The following HDGFL3 variants were observed in gnomAD, a reference collection of about 807,000 sequenced individuals.
The protein encoded by HDGFL3 is HDGF like 3.
A neutral mutation model predicts 27.6 loss-of-function variants in HDGFL3; 6 were observed. That is an observed-to-expected ratio of 0.22 (90% CI 0.12 to 0.43). HDGFL3 has a LOEUF of 0.43. Ranked by LOEUF, HDGFL3 falls within the 20% of genes least tolerant of loss-of-function variation. The probability of loss-of-function intolerance (pLI) is 1.00; values close to 1 mark genes in which losing one functional copy is unlikely to be tolerated. For synonymous variants in HDGFL3, 88 were observed against 88.9 expected, an observed-to-expected ratio of 0.99 and a Z score of 0.05; for missense variants, 207 against 250.1, an observed-to-expected ratio of 0.83 and a Z score of 1.16.
chr15:83,144,962 T>C (rs2036860163), intron 5 of HDGFL3: 1 of 158,446 alleles, frequency 6.3e-6, no homozygotes. Flanking sequence ...TCTATCCATA[T>C]GAATCGAAGG....
At chr15:83,112,937 T>G in exon 4 of HDGFL3, 2 of 1,470,890 alleles carry the variant, frequency 1.4e-6, no homozygotes, top group Non-Finnish European at 1.9e-6. Flanking sequence ...TGTATCTGAT[T>G]AATAACACAA....
intron 5 of HDGFL3, chr15:83,144,612 G>A (rs963627632): frequency 5.4e-5 from 24 of 444,752 alleles, no homozygotes; most frequent in African/African-American, 4.0e-4. Flanking sequence ...GAGGAACTGA[G>A]GCCTCCAGTC....
At chr15:83,194,996 C>G (rs1376581110) in intron 1 of HDGFL3, among the ~76,000 whole-genome samples, 2 of 152,138 alleles carry the variant, frequency 1.3e-5, no homozygotes, top group Non-Finnish European at 2.9e-5. Context: ...GCAGTGTTAT[C>G]TCTTTCTAAT....
At chr15:83,150,060 C>T (rs1334667119) in intron 5 of HDGFL3, among the ~76,000 whole-genome samples, 2 of 152,146 alleles carry the variant, frequency 1.3e-5, no homozygotes, top group Admixed American at 6.5e-5. Flanking sequence ...CTGAGATTCT[C>T]CATTTCTAAC....
intron 3 of HDGFL3, among the ~76,000 whole-genome samples, chr15:83,116,932 T>G (rs1398787167): frequency 2.6e-5 from 4 of 152,144 alleles, no homozygotes; most frequent in Non-Finnish European, 1.5e-5. Flanking sequence ...TGCAGACATT[T>G]GTTGAAGGGG....
At chr15:83,121,589 ACTTT>A (rs2035249175) in intron 3 of HDGFL3, among the ~76,000 whole-genome samples, 1 of 152,226 alleles carries the variant, frequency 6.6e-6, no homozygotes, top group Admixed American at 6.5e-5. Context: ...TCTTCTTTCA[ACTTT>A]CTTTTTCCTT....
At chr15:83,205,514 C>T (rs1272071160) in intron 1 of HDGFL3, among the ~76,000 whole-genome samples, 1 of 152,076 alleles carries the variant, frequency 6.6e-6, no homozygotes, top group Non-Finnish European at 1.5e-5. Context: ...GGACCACTTC[C>T]GTAGGATTTT....
At chr15:83,194,996 CTCTT>C (rs2037552783) in intron 1 of HDGFL3, among the ~76,000 whole-genome samples, 1 of 152,138 alleles carries the variant, frequency 6.6e-6, no homozygotes, top group Non-Finnish European at 1.5e-5. Context: ...GCAGTGTTAT[CTCTT>C]TCTAATGGTA....
rs767749506 is a variant in HDGFL3, at chr15:83,128,664, G to A, written c.*10606C>T. The A allele has an allele frequency of 6.6e-6, 1 of 151,976 alleles. No homozygotes were observed. Among genetic ancestry groups the A allele is most frequent in the Non-Finnish European group, 1.5e-5 (1 of 68,030 alleles). The allele number at this position is 151,976 out of a possible 1,614,324, so 9.4% of individuals were successfully genotyped here. On this transcript the variant is annotated 3_prime_UTR_variant, in exon 6 of 6. Transcript: ENST00000299633. Reference sequence around the variant, plus strand: ...GTCTTTTTACTTGCATGCCTCACTAGCACCTCAGATTTAATATATAAAATA... The same window carrying A: ...GTCTTTTTACTTGCATGCCTCACTAACACCTCAGATTTAATATATAAAATA...
rs1431630854 is a variant in HDGFL3, at chr15:83,157,426, A to G, written c.448T>C (p.Tyr150His). The G allele has an allele frequency of 6.2e-7, 1 of 1,612,682 alleles. No homozygotes were observed. The change falls in exon 4 of 6, where the codon TAT (tyrosine) becomes CAT (histidine). Residue 150 changes from tyrosine to histidine, a missense_variant. Coordinates refer to ENST00000299633, the MANE Select transcript of HDGFL3 (RefSeq NM_016073.4). The stretch of plus-strand genomic sequence containing the variant: ...AGTTTCTTAGTAACCTTTGAAGTAT[A>G]TGACTTTTTCCGTTTTGAGCCTGCT... ...EKAGSKRKKSYTSKKSSKQSR... is the reference protein window; with the variant it reads ...EKAGSKRKKSHTSKKSSKQSR...
rs994754800 is a variant in HDGFL3 at position 83,157,556 on chromosome 15, G to C, written c.318C>G (p.Ser106Arg). The C allele has an allele frequency of 6.2e-7, 1 of 1,612,864 alleles. No homozygotes were observed. The highest frequency in any genetic ancestry group is 8.5e-7 in the Non-Finnish European group (1 of 1,179,576). Residue 106 changes from serine to arginine, a missense_variant, in exon 4 of 6, where the codon AGC becomes AGG. Ser to Arg is a moderately radical substitution (Grantham distance 110). Coordinates refer to ENST00000299633, the MANE Select transcript of HDGFL3 (RefSeq NM_016073.4). ...FTGYQAIQQQ[S>R]SSETEGEGGN... ...CACCTTCTCCCTCAGTTTCTGAAGAGCTCTGTTGCTGAATTGCCTAAGAAA... is the reference window on the plus strand; with the variant it reads ...CACCTTCTCCCTCAGTTTCTGAAGACCTCTGTTGCTGAATTGCCTAAGAAA...
chr15:83,122,968 G>A, downstream of HDGFL3: 1 of 1,466,290 alleles, frequency 6.8e-7, no homozygotes, highest in Non-Finnish European at 9.3e-7. Context: ...ATGCCTCTGT[G>A]GACTGGAGCA....
chr15:83,148,632 AAAT>A (rs1023687922), intron 5 of HDGFL3, among the ~76,000 whole-genome samples: 1 of 151,954 alleles, frequency 6.6e-6, no homozygotes, highest in African/African-American at 2.4e-5. Context: ...GAAAAAAAAA[AAAT>A]AATAATAATA....
At chr15:83,164,183 GAT>G in intron 1 of HDGFL3, 108 bp from the exon 2 acceptor site, 1 of 743,492 alleles carries the variant, frequency 1.3e-6, no homozygotes, top group Non-Finnish European at 2.1e-6. Flanking sequence ...TCAAAACTCA[GAT>G]AGTTTTTTAG....
chr15:83,140,020 G>T (rs780559596), intron 5 of HDGFL3, among the ~76,000 whole-genome samples: 3 of 152,168 alleles, frequency 2.0e-5, no homozygotes, highest in Admixed American at 2.0e-4. Context: ...CTCATGGGAT[G>T]AATGAAAGAG....
intron 1 of HDGFL3, among the ~76,000 whole-genome samples, chr15:83,184,183 C>A (rs2037413698): frequency 6.6e-6 from 1 of 152,130 alleles, no homozygotes; most frequent in African/African-American, 2.4e-5. Flanking sequence ...GCGATATCAA[C>A]TTTTTTACCC....
downstream of HDGFL3, chr15:83,122,817 C>T (rs754550775): frequency 2.5e-5 from 40 of 1,613,844 alleles, no homozygotes; most frequent in Non-Finnish European, 8.5e-7. Flanking sequence ...ACTTGTCTTC[C>T]TGTCTGGGCT....
At position 83,181,352 on chromosome 15, in the gene HDGFL3, A is replaced by T. The variant is rs2037379187; in HGVS notation, c.85-17277T>A. On this transcript the variant is annotated intron_variant, in intron 1 of 5. Transcript: ENST00000299633. ...ATATGTGGGGCATTAACTCAGCCTC[A>T]TAGTATACCTGGGGAGAGGCGTAGT... Among the ~76,000 whole-genome samples, 3 of 152,346 alleles carry T rather than the reference A, an allele frequency of 2.0e-5. No homozygotes were observed. In the South Asian group the frequency reaches 6.2e-4, roughly 32 times the overall value.
At chr15:83,158,079 C>T (rs202025447) in intron 2 of HDGFL3, 38 bp from the exon 3 acceptor site, 106 of 1,544,626 alleles carry the variant, frequency 6.9e-5, no homozygotes, top group Non-Finnish European at 4.4e-6. Context: ...GACACACTGA[C>T]CTTCAAAGGT....
Sources: allele counts gnomAD v4.1 joint callset (sites outside exome capture counted in the v4.1 genomes callset), GRCh38; gene constraint gnomAD v4.1.1; transcripts MANE v1.5; gene names NCBI Gene and HGNC (gene_info 2026-07-23, HGNC 2026-07-21).